The following IFITM10 variants were observed in gnomAD, a reference collection of about 807,000 sequenced individuals.
The protein encoded by IFITM10 is interferon-induced transmembrane protein 10.
In IFITM10, 17 loss-of-function variants were observed where a neutral mutation model predicts 19.0. The ratio of observed to expected loss-of-function variants is 0.90; its 90% CI spans 0.61 to 1.34. The LOEUF (loss-of-function observed/expected upper bound fraction) is 1.34. Ranked by LOEUF, IFITM10 falls within the 40% of genes most tolerant of loss-of-function variation. The pLI is 0.00. For synonymous variants in IFITM10, 148 were observed against 147.2 expected (o/e 1.01, Z -0.04); for missense variants, 306 against 319.8 (o/e 0.96, Z 0.33).
At chr11:1,738,256 T>C (rs990671266) in intron 2 of IFITM10, among the ~76,000 whole-genome samples, 4 of 152,136 alleles carry the variant, frequency 2.6e-5, no homozygotes, top group African/African-American at 7.2e-5. Flanking sequence ...GGGGCTACAG[T>C]CCAACAAACC....
At chr11:1,739,132 T>C (rs1222793766) in intron 2 of IFITM10, among the ~76,000 whole-genome samples, 1 of 143,494 alleles carries the variant, frequency 7.0e-6, no homozygotes, top group African/African-American at 2.7e-5. Context: ...TACAGGAATA[T>C]AGGAACGGAT....
intron 2 of IFITM10, among the ~76,000 whole-genome samples, chr11:1,747,020 G>A (rs1026062648): frequency 6.6e-6 from 1 of 152,184 alleles, no homozygotes; most frequent in Non-Finnish European, 1.5e-5. Context: ...CTTGCCCTCA[G>A]GGGGACAGGG....
intron 2 of IFITM10, among the ~76,000 whole-genome samples, chr11:1,739,531 T>A (rs1412462561): frequency 6.6e-6 from 1 of 152,094 alleles, no homozygotes; most frequent in African/African-American, 2.4e-5. Context: ...ATACAGAAAA[T>A]AAACACGATA....
In IFITM10 at chr11:1,747,675, AGT is replaced by A; in HGVS notation, c.527_528del (p.Tyr176PhefsTer12). 1.3e-6 allele frequency: 2 copies of A among 1,551,666 alleles called. No homozygotes were observed. Among genetic ancestry groups the A allele is most frequent in the Non-Finnish European group, 1.7e-6 (2 of 1,146,942 alleles). ...FCCLGFIALA[Y>X]SLKVRDKKLL... Reference sequence around the variant, plus strand: ...CCACCGCCCGGGCTCACTTTGAGGGAGTAGGCCAAGGCGATGAAGCCCAGGCA... The same window carrying A: ...CCACCGCCCGGGCTCACTTTGAGGGAAGGCCAAGGCGATGAAGCCCAGGCA... On this transcript the variant is annotated frameshift_variant, in exon 2 of 3. Coordinates refer to ENST00000340134, the MANE Select transcript of IFITM10 (RefSeq NM_001170820.4). LOFTEE classifies it high-confidence loss of function.
At chr11:1,736,001 A>C (rs1851083198) in intron 2 of IFITM10, among the ~76,000 whole-genome samples, 1 of 152,200 alleles carries the variant, frequency 6.6e-6, no homozygotes. Context: ...GCACTCAGGA[A>C]GTCTTGGGGA....
At chr11:1,737,262 C>A (rs1455849383) in intron 2 of IFITM10, among the ~76,000 whole-genome samples, 1 of 152,210 alleles carries the variant, frequency 6.6e-6, no homozygotes, top group Non-Finnish European at 1.5e-5. Context: ...TTTAAAATTG[C>A]ATGTCTAACT....
chr11:1,750,475 C>A lies in IFITM10; in HGVS notation c.-33G>T, dbSNP rs2133653579. ...CAAGCCCCATCCTCCCATGAAACTC[C>A]TTTCTCCTCTGCCACTCTCAACTGG... is the stretch of plus-strand genomic sequence containing the variant. On this transcript the variant is annotated 5_prime_UTR_variant, in exon 1 of 3. In the 5' UTR this introduces an upstream ATG that the reference lacks. Coordinates refer to ENST00000340134, the MANE Select transcript of IFITM10 (RefSeq NM_001170820.4). 2 of 1,550,286 alleles carry A rather than the reference C, an allele frequency of 1.3e-6. No individual in the cohort carries two copies. The highest frequency in any genetic ancestry group is 2.0e-5 in the Admixed American group (1 of 50,988).
At chr11:1,742,002 G>C (rs1193421034) in intron 2 of IFITM10, among the ~76,000 whole-genome samples, 1 of 152,194 alleles carries the variant, frequency 6.6e-6, no homozygotes. Context: ...CTCAGACTTC[G>C]AGCCTCCGGA....
Position 1,747,942 on chromosome 11 carries a change from C to T in IFITM10, c.262G>A (p.Ala88Thr), listed in dbSNP as rs1410561598. The change falls in exon 2 of 3, where the codon GCC (alanine) becomes ACC (threonine). Residue 88 changes from alanine to threonine, a missense_variant. Coordinates refer to ENST00000340134, the MANE Select transcript of IFITM10 (RefSeq NM_001170820.4). ...GAGGCCGAGGGCTCAGGGGCAGGGG[C>T]CGCCGGAGCCTGCAGGGCAGGGGGC... Reference protein sequence around the residue: ...SKPPALQAPAAPAPEPSASPP... With the variant: ...SKPPALQAPATPAPEPSASPP... 6.8e-7 allele frequency: 1 copy of T among 1,474,252 alleles called. No homozygotes were observed. 91.3% of individuals were successfully genotyped at this position (1,474,252 alleles called of 1,614,324 possible). A position where few individuals can be genotyped will look rare whatever the true frequency, so the allele number is the denominator to read the frequency against.
chr11:1,746,827 C>T (rs540649269), intron 2 of IFITM10: 20 of 398,554 alleles, frequency 5.0e-5, no homozygotes, highest in Non-Finnish European at 8.0e-5. Flanking sequence ...TGAGGCTAAA[C>T]GTGAGCCAAG....
At chr11:1,745,661 A>G (rs1229042702) in intron 2 of IFITM10, 1 of 152,362 alleles carries the variant, frequency 6.6e-6, no homozygotes. Flanking sequence ...TACATGAACC[A>G]CACACGTGTG....
chr11:1,748,060 G>T lies in IFITM10; in HGVS notation c.144C>A (p.Gly48=). Residue 48 remains glycine (G), a synonymous_variant, in exon 2 of 3, where the codon GGC becomes GGA. Transcript: ENST00000340134. ...CCAGGGGGACTCGGGCTTCCTGGGC[G>T]CCGTCCGTGGTGCTGGCCGGGTCTC... ...PLGDPASTTD[G]AQEARVPLDG... 7.0e-7 allele frequency: 1 copy of T among 1,419,264 alleles called. No homozygotes were observed. Among genetic ancestry groups the T allele is most frequent in the Non-Finnish European group, 9.2e-7 (1 of 1,092,686 alleles). The allele number at this position is 1,419,264 out of a possible 1,614,324, so 87.9% of individuals were successfully genotyped here.
intron 2 of IFITM10, chr11:1,746,716 T>C (rs1206973449): frequency 5.0e-6 from 2 of 398,648 alleles, no homozygotes; most frequent in African/African-American, 4.1e-5. Context: ...GCCTCTTCTC[T>C]CCCTGCATCC....
At position 1,733,361 on chromosome 11, in the gene IFITM10, C is replaced by A. The variant is rs1851048924; in HGVS notation, c.*1919G>T. 6.6e-6 allele frequency: 1 copy of A among 152,220 alleles called. No homozygotes were observed. Among genetic ancestry groups the A allele is most frequent in the South Asian group, 2.1e-4 (1 of 4,814 alleles). 9.4% of individuals were successfully genotyped at this position (152,220 alleles called of 1,614,324 possible). A position where few individuals can be genotyped will look rare whatever the true frequency, so the allele number is the denominator to read the frequency against. On this transcript the variant is annotated 3_prime_UTR_variant, in exon 3 of 3. Transcript: ENST00000340134. The surrounding 1 kb of genome is among the most constrained non-coding windows in gnomAD (Gnocchi z 6.3). The stretch of plus-strand genomic sequence containing the variant: ...ACCCTGTCCCCTCTCTCGACTCTGA[C>A]CCCCAAGCCCTCCCATTTTGAGGTC...
In IFITM10 at chr11:1,748,123, G is replaced by A; in HGVS notation, c.85-4C>T. The A allele has an allele frequency of 7.3e-7, 1 of 1,367,758 alleles. No individual in the cohort carries two copies. The highest frequency in any genetic ancestry group is 9.4e-7 in the Non-Finnish European group (1 of 1,068,522). The allele number at this position is 1,367,758 out of a possible 1,614,324, so 84.7% of individuals were successfully genotyped here. A position where few individuals can be genotyped will look rare whatever the true frequency, so the allele number is the denominator to read the frequency against. Reference sequence around the variant, plus strand: ...GGCACTGGCCGGGGCCCTGGGCCTGGAGAGGAGAAAGTGAGAGCAAGCTGG... The same window carrying A: ...GGCACTGGCCGGGGCCCTGGGCCTGAAGAGGAGAAAGTGAGAGCAAGCTGG... On this transcript the variant is annotated splice_region_variant and splice_polypyrimidine_tract_variant and intron_variant, in intron 1 of 2. Coordinates refer to ENST00000340134, the MANE Select transcript of IFITM10 (RefSeq NM_001170820.4).
At chr11:1,748,335 C>T in intron 1 of IFITM10, 1 of 415,464 alleles carries the variant, frequency 2.4e-6, no homozygotes, top group East Asian at 3.6e-5. Flanking sequence ...GGACCTGGGG[C>T]TTTCATCACT....
chr11:1,746,621 T>A (rs189926434), intron 2 of IFITM10: 1 of 398,644 alleles, frequency 2.5e-6, no homozygotes. Flanking sequence ...GCAGTTGCGA[T>A]GCCGGGCGGG....
intron 2 of IFITM10, chr11:1,744,641 G>C (rs990926786): frequency 4.3e-5 from 5 of 115,070 alleles, no homozygotes; most frequent in Admixed American, 8.1e-5. Flanking sequence ...CATGTGGGTG[G>C]GGGGGGTGGA....
chr11:1,746,322 G>C, intron 2 of IFITM10: 1 of 375,672 alleles, frequency 2.7e-6, no homozygotes, highest in Non-Finnish European at 4.7e-6. Flanking sequence ...ATACACTCCT[G>C]CCTACACACA....
Sources: allele counts gnomAD v4.1 joint callset (sites outside exome capture counted in the v4.1 genomes callset), GRCh38; gene constraint gnomAD v4.1.1; non-coding constraint Gnocchi (gnomAD v3.1); transcripts MANE v1.5; gene names NCBI Gene and HGNC (gene_info 2026-07-23, HGNC 2026-07-21).